Variants in SNTG1 observed in about 807,000 individuals in gnomAD.
SNTG1 encodes syntrophin gamma 1.
Under a neutral mutation model 74.7 loss-of-function variants are expected in SNTG1, and 39 were observed. The ratio of observed to expected loss-of-function variants is 0.52; its 90% confidence interval spans 0.40 to 0.68. The LOEUF is 0.68. Among genes scored for constraint, SNTG1 ranks in the 30% least tolerant of loss-of-function variants. The pLI, the probability that SNTG1 is intolerant of heterozygous loss-of-function variation, is 0.00. For missense variants in SNTG1, 685 were observed against 609.5 expected, an observed-to-expected ratio of 1.12 and a Z score of -1.30; for synonymous variants, 254 against 217.1, an observed-to-expected ratio of 1.17 and a Z score of -1.49.
At chr8:50,133,066 C>A (rs763696900) in intron 1 of SNTG1, among the ~76,000 whole-genome samples, 14 of 152,154 alleles carry the variant, frequency 9.2e-5, no homozygotes, top group Non-Finnish European at 2.1e-4. Flanking sequence ...CTCACTTTAT[C>A]TCTTTTTCTC....
At chr8:50,014,970 A>C (rs544278689) in intron 1 of SNTG1, among the ~76,000 whole-genome samples, 2 of 151,928 alleles carry the variant, frequency 1.3e-5, no homozygotes, top group Admixed American at 1.3e-4. Context: ...TTCAACAAAA[A>C]CTCATGAGCA....
At chr8:50,073,405 T>C (rs1217655967) in intron 1 of SNTG1, among the ~76,000 whole-genome samples, 1 of 152,202 alleles carries the variant, frequency 6.6e-6, no homozygotes, top group Non-Finnish European at 1.5e-5. Context: ...AGTTCTCTTG[T>C]TATTTCCATC....
At position 50,796,486 on chromosome 8, in the gene SNTG1, A is replaced by G. The variant is rs1452516086; in HGVS notation, c.*3657A>G. ...AAATGTTATATATTTTATACATGTT[A>G]AAATGCAGTGAAAAGACAAGAAATA... is the stretch of plus-strand genomic sequence containing the variant. On this transcript the variant is annotated 3_prime_UTR_variant, in exon 19 of 19. Coordinates refer to ENST00000642720, the MANE Select transcript of SNTG1 (RefSeq NM_018967.5). The G allele has an allele frequency of 2.0e-5, 3 of 151,910 alleles. No individual in the cohort carries two copies. Among genetic ancestry groups the G allele is most frequent in the Non-Finnish European group, 2.9e-5 (2 of 67,910 alleles). 9.4% of individuals were successfully genotyped at this position (151,910 alleles called of 1,614,324 possible).
chr8:50,477,514 T>C (rs944855820), intron 8 of SNTG1, among the ~76,000 whole-genome samples: 2 of 152,052 alleles, frequency 1.3e-5, no homozygotes, highest in African/African-American at 4.8e-5. Context: ...TCTGGAGAAA[T>C]TGTCAAATCC....
At chr8:50,442,009 C>T (rs1002729620) in intron 5 of SNTG1, among the ~76,000 whole-genome samples, 5 of 152,098 alleles carry the variant, frequency 3.3e-5, no homozygotes, top group Non-Finnish European at 7.4e-5. Context: ...AAGTAAAGCC[C>T]GAAATGACGT....
At chr8:50,031,360 T>C (rs1356449057) in intron 1 of SNTG1, among the ~76,000 whole-genome samples, 1 of 152,058 alleles carries the variant, frequency 6.6e-6, no homozygotes, top group Non-Finnish European at 1.5e-5. Flanking sequence ...GGACTGTCTA[T>C]AACTTGCAGT....
chr8:50,247,655 T>G lies in SNTG1; in HGVS notation c.-28+75020T>G, dbSNP rs188850507. ...TGAGTAGCCAGGACTAACGGTGCAT[T>G]CCACCAGTCCCAGCTAAAGTTTTTA... On this transcript the variant is annotated intron_variant, in intron 2 of 18. Coordinates refer to ENST00000642720, the MANE Select transcript of SNTG1 (RefSeq NM_018967.5). Among the ~76,000 whole-genome samples the G allele has an allele frequency of 1.6e-3, 241 of 150,810 alleles. 5 individuals carry two copies. The East Asian group carries it at 0.043, about 27-fold the overall frequency.
At chr8:50,397,749 G>A (rs1423486550) in intron 3 of SNTG1, among the ~76,000 whole-genome samples, 2 of 152,160 alleles carry the variant, frequency 1.3e-5, no homozygotes, top group Non-Finnish European at 2.9e-5. Flanking sequence ...ACAACTGGGG[G>A]TGGCATTCTT....
At chr8:50,272,782 G>T (rs2087854320) in intron 2 of SNTG1, among the ~76,000 whole-genome samples, 1 of 151,908 alleles carries the variant, frequency 6.6e-6, no homozygotes, top group Non-Finnish European at 1.5e-5. Context: ...TGTTGCCCAG[G>T]CTGGAGAACA....
intron 8 of SNTG1, among the ~76,000 whole-genome samples, chr8:50,475,638 CA>C (rs1399119954): frequency 6.6e-6 from 1 of 152,086 alleles, no homozygotes; most frequent in African/African-American, 2.4e-5. Flanking sequence ...GCAATGGTGA[CA>C]ATAATGCTGT....
intron 11 of SNTG1, among the ~76,000 whole-genome samples, chr8:50,537,823 T>C (rs1291489239): frequency 6.6e-6 from 1 of 152,194 alleles, no homozygotes; most frequent in Non-Finnish European, 1.5e-5. Context: ...AAAATAGCCA[T>C]ATACAATATA....
chr8:50,388,517 C>A (rs1456939923), intron 2 of SNTG1, among the ~76,000 whole-genome samples: 1 of 152,108 alleles, frequency 6.6e-6, no homozygotes, highest in Non-Finnish European at 1.5e-5. Context: ...GAATTCTGTG[C>A]CTTTAAAACC....
chr8:50,243,139 G>A (rs955111908), intron 2 of SNTG1, among the ~76,000 whole-genome samples: 7 of 150,918 alleles, frequency 4.6e-5, no homozygotes, highest in Non-Finnish European at 8.9e-5. Context: ...TAAATTGACC[G>A]CTAATGGTAT....
chr8:50,354,836 T>C (rs2091772697), intron 2 of SNTG1, among the ~76,000 whole-genome samples: 2 of 152,136 alleles, frequency 1.3e-5, no homozygotes, highest in South Asian at 4.1e-4. Context: ...CTGGACTGAA[T>C]TCCCCATTTT....
chr8:49,993,385 C>A (rs1211753021), intron 1 of SNTG1, among the ~76,000 whole-genome samples: 1 of 144,794 alleles, frequency 6.9e-6, no homozygotes, highest in African/African-American at 2.6e-5. Context: ...TTTTTGTCGT[C>A]GTTGTTGTTT....
intron 2 of SNTG1, among the ~76,000 whole-genome samples, chr8:50,391,187 G>A (rs1040543126): frequency 2.0e-5 from 3 of 152,228 alleles, no homozygotes; most frequent in Admixed American, 1.3e-4. Context: ...TGCCCATTCA[G>A]TATGATATTG....
At chr8:50,076,128 A>G (rs983431730) in intron 1 of SNTG1, among the ~76,000 whole-genome samples, 2 of 152,208 alleles carry the variant, frequency 1.3e-5, no homozygotes, top group African/African-American at 4.8e-5. Context: ...AAACCTGTGG[A>G]AGCTTGATGG....
intron 2 of SNTG1, among the ~76,000 whole-genome samples, chr8:50,198,443 A>G (rs1301573532): frequency 6.6e-6 from 1 of 152,146 alleles, no homozygotes; most frequent in African/African-American, 2.4e-5. Context: ...TAAATCCTGA[A>G]GCAGAAGATT....
chr8:50,364,663 A>C (rs2092057306), intron 2 of SNTG1, among the ~76,000 whole-genome samples: 1 of 152,132 alleles, frequency 6.6e-6, no homozygotes, highest in Non-Finnish European at 1.5e-5. Context: ...TAATATGAAT[A>C]ATTCATTCAT....
Sources: gnomAD v4.1 joint callset for allele counts (sites outside exome capture counted in the v4.1 genomes callset) on GRCh38, gnomAD v4.1.1 for gene constraint, MANE v1.5 for transcripts, NCBI Gene and HGNC (gene_info 2026-07-23, HGNC 2026-07-21) for gene names.